The following RHBDF1 variants were observed in gnomAD, a reference collection of about 807,000 sequenced individuals.
The protein encoded by RHBDF1 is inactive rhomboid protein 1.
A neutral mutation model predicts 98.6 loss-of-function variants in RHBDF1; 80 were observed. That is an observed-to-expected ratio of 0.81 (90% CI 0.68 to 0.98). The LOEUF is 0.98. RHBDF1 is among the 50% of genes least tolerant of loss of function. The pLI is 0.00. For missense variants in RHBDF1, 1,116 were observed against 1,198.3 expected (o/e 0.93, Z 1.01); for synonymous variants, 512 against 486.8 (o/e 1.05, Z -0.68).
chr16:60,369 A>G (rs1897563948), intron 12 of RHBDF1, 70 bp downstream of exon 12: 1 of 1,595,670 alleles, frequency 6.3e-7, no homozygotes, highest in Non-Finnish European at 8.6e-7. Context: ...GAGCCCCTAC[A>G]CCCTCTGCAC....
chr16:63,546 G>A (rs757379446), intron 4 of RHBDF1, 41 bp downstream of exon 4: 113 of 1,476,108 alleles, frequency 7.7e-5, no homozygotes, highest in Non-Finnish European at 8.9e-5. Context: ...CCCTGAGAGC[G>A]GAAGGAGGGG....
rs139775363 is a variant in RHBDF1 at position 61,424 on chromosome 16, C to G, written c.1356G>C (p.Lys452Asn). Reference sequence around the variant, plus strand: ...TCCAGAAGTTCTCCTGCTGCACGTACTTGACGTTCTCGTAGACCCCGCGGT... The same window carrying G: ...TCCAGAAGTTCTCCTGCTGCACGTAGTTGACGTTCTCGTAGACCCCGCGGT... ...LRNRGVYENV[K>N]YVQQENFWIG... is the part of the protein sequence containing the mutation. The change falls in exon 10 of 18, where the codon AAG becomes AAC. Residue 452 changes from lysine to asparagine, a missense_variant. By Grantham distance (94) the Lys-to-Asn change is moderately conservative. Coordinates refer to ENST00000262316, the MANE Select transcript of RHBDF1 (RefSeq NM_022450.5). 1 of 1,612,380 alleles carries G rather than the reference C, an allele frequency of 6.2e-7. No individual in the cohort carries two copies. Among genetic ancestry groups the G allele is most frequent in the Non-Finnish European group, 8.5e-7 (1 of 1,179,752 alleles).
intron 3 of RHBDF1, chr16:64,085 T>G: frequency 3.2e-6 from 2 of 633,254 alleles, no homozygotes; most frequent in Non-Finnish European, 5.6e-6. Context: ...GGGGAGGCAC[T>G]GAGTCCAGAG....
rs764978716 is a variant in RHBDF1 at position 62,568 on chromosome 16, C to A, written c.923G>T (p.Arg308Leu). 1.2e-6 allele frequency: 2 copies of A among 1,613,264 alleles called. No homozygotes were observed. The highest frequency in any genetic ancestry group is 1.7e-5 in the Admixed American group (1 of 60,032). Residue 308 changes from arginine to leucine, a missense_variant, in exon 7 of 18, where the codon CGC (arginine) becomes CTC (leucine). Transcript: ENST00000262316. ...QADLTGGALD[R>L]SELERSHLML... ...CAGGTGGCTGCGCTCAAGCTCGCTG[C>A]GGTCCAGGGCCCCGCCGGTGAGGTC...
intron 3 of RHBDF1, 37 bp from the exon 4 acceptor site, chr16:63,837 C>T (rs1271756464): frequency 1.1e-5 from 18 of 1,582,526 alleles, no homozygotes; most frequent in Non-Finnish European, 1.1e-5. Flanking sequence ...GCGGCCAGAT[C>T]GCCCCTCCCA....
intron 13 of RHBDF1, 66 bp downstream of exon 13, chr16:60,150 T>G: frequency 6.2e-7 from 1 of 1,610,960 alleles, no homozygotes; most frequent in Non-Finnish European, 8.5e-7. Flanking sequence ...CACCAGTGGG[T>G]GGGGTGTGGC....
intron 1 of RHBDF1, among the ~76,000 whole-genome samples, chr16:68,138 C>T (rs1897876921): frequency 6.6e-6 from 1 of 152,214 alleles, no homozygotes; most frequent in Non-Finnish European, 1.5e-5. Context: ...CGCCATGCCT[C>T]TACATCCAGG....
In RHBDF1 at chr16:58,615, G is replaced by C. The variant is rs761418828; in HGVS notation, c.2293C>G (p.Pro765Ala). ...ATGTGGGCAAAGTTGTCAATCCACG[G>C]CAGCAGCCCAAAGGTGAAGAGGAAG... ...VLFLFTFGLLPWIDNFAHISG... is the reference protein window; with the variant it reads ...VLFLFTFGLLAWIDNFAHISG... The change falls in exon 18 of 18, where the codon CCG (proline) becomes GCG (alanine). Residue 765 changes from proline (P) to alanine (A), a missense_variant. Pro to Ala is a conservative substitution (Grantham distance 27). Transcript: ENST00000262316. 6.2e-7 allele frequency: 1 copy of C among 1,613,654 alleles called. No individual in the cohort carries two copies. Among genetic ancestry groups the C allele is most frequent in the Non-Finnish European group, 8.5e-7 (1 of 1,179,988 alleles).
rs377524053 is a variant in RHBDF1, at chr16:58,652, C to T, written c.2256G>A (p.Leu752=). The T allele has an allele frequency of 6.2e-6, 10 of 1,613,414 alleles. No individual in the cohort carries two copies. Among genetic ancestry groups the T allele is most frequent in the Non-Finnish European group, 8.5e-6 (10 of 1,180,038 alleles). ...AGGTGAAGAGGAAGAGCACCACAGC[C>T]AGCAGCTTGAAGAAGGCACGCCAGG... ...ARPWRAFFKL[L]AVVLFLFTFG... Residue 752 remains leucine (L), a synonymous_variant, in exon 18 of 18, where the codon CTG becomes CTA. Coordinates refer to ENST00000262316, the MANE Select transcript of RHBDF1 (RefSeq NM_022450.5).
intron 9 of RHBDF1, 51 bp downstream of exon 9, chr16:61,534 C>T: frequency 6.2e-7 from 1 of 1,610,990 alleles, no homozygotes; most frequent in Non-Finnish European, 8.5e-7. Flanking sequence ...GGGAGGGGGT[C>T]CAGTGCCCGG....
intron 1 of RHBDF1, among the ~76,000 whole-genome samples, chr16:65,793 C>G (rs1465047075): frequency 6.6e-6 from 1 of 152,254 alleles, no homozygotes; most frequent in Non-Finnish European, 1.5e-5. Context: ...CCCCAGGCTC[C>G]TGGGCACAAA....
Position 61,854 on chromosome 16 carries a change from G to A in RHBDF1, c.1152C>T (p.Tyr384=). 6 of 1,611,548 alleles carry A rather than the reference G, an allele frequency of 3.7e-6. No homozygotes were observed. Among genetic ancestry groups the A allele is most frequent in the Non-Finnish European group, 5.1e-6 (6 of 1,179,818 alleles). ...TGACGAAGCTGTCGATGCGCTTGCGGTAGGTGCGGTTGGTGAGCCGTCCCA... is the reference window on the plus strand; with the variant it reads ...TGACGAAGCTGTCGATGCGCTTGCGATAGGTGCGGTTGGTGAGCCGTCCCA... ...GMVGRLTNRT[Y]RKRIDSFVKR... is the part of the protein sequence containing the mutation. Residue 384 remains tyrosine (Y), a synonymous_variant, in exon 8 of 18, where the codon TAC becomes TAT. Coordinates refer to ENST00000262316, the MANE Select transcript of RHBDF1 (RefSeq NM_022450.5).
In RHBDF1 at chr16:64,776, G is replaced by A; in HGVS notation, c.171C>T (p.Ala57=). 1 of 1,614,096 alleles carries A rather than the reference G, an allele frequency of 6.2e-7. No homozygotes were observed. Among genetic ancestry groups the A allele is most frequent in the African/African-American group, 1.3e-5 (1 of 75,036 alleles). Residue 57 remains alanine, a synonymous_variant, in exon 3 of 18, where the codon GCC becomes GCT. Coordinates refer to ENST00000262316, the MANE Select transcript of RHBDF1 (RefSeq NM_022450.5). ...LRSVSMPAET[A]HISSPHHELR... ...GCTCATGGTGGGGTGAAGAGATGTG[G>A]GCTGTCTCGGCTGGCATACTCACAC...
intron 1 of RHBDF1, among the ~76,000 whole-genome samples, chr16:69,172 T>C (rs1343108876): frequency 6.6e-6 from 1 of 151,992 alleles, no homozygotes; most frequent in East Asian, 1.9e-4. Context: ...TCCAAAGGTG[T>C]CGAGTTTGGG....
chr16:72,624 G>GCCGGTCCGGCCCGCCCGCC lies in RHBDF1; in HGVS notation c.-137_-136insGGCGGGCGGGCCGGACCGG, dbSNP rs1596478590. ...GCCCGCCCGCCGGTCCGGCCCGCCCGGGAATGCCCTGGAGCGAGGGGCGTG... is the reference window on the plus strand; with the variant it reads ...GCCCGCCCGCCGGTCCGGCCCGCCCGCCGGTCCGGCCCGCCCGCCGGAATGCCCTGGAGCGAGGGGCGTG... On this transcript the variant is annotated 5_prime_UTR_variant, in exon 1 of 18. Transcript: ENST00000262316. 13 of 972,294 alleles carry GCCGGTCCGGCCCGCCCGCC rather than the reference G, an allele frequency of 1.3e-5. No homozygotes were observed. Among genetic ancestry groups the GCCGGTCCGGCCCGCCCGCC allele is most frequent in the East Asian group, 2.4e-4 (2 of 8,412 alleles). 60.2% of individuals were successfully genotyped at this position (972,294 alleles called of 1,614,324 possible).
chr16:72,311 G>A (rs1415429542), intron 1 of RHBDF1, among the ~76,000 whole-genome samples: 1 of 152,080 alleles, frequency 6.6e-6, no homozygotes, highest in Non-Finnish European at 1.5e-5. Flanking sequence ...CGGGCGACTC[G>A]GGAAACTCCA....
In RHBDF1 at chr16:62,663, G is replaced by GT; in HGVS notation, c.827dup (p.Tyr276Ter). The stretch of plus-strand genomic sequence containing the variant: ...ATGGGGACTCGAAAACTTCATCCGG[G>GT]TATGTGGACAGCTCTTCATGGAGGA... ...EGILHEELST[Y>*]PDEVFESPSE... is the part of the protein sequence containing the mutation. Residue 276 changes from tyrosine to a stop codon, truncating the protein, a stop_gained and frameshift_variant, in exon 7 of 18, where the codon TAC becomes TAAC. Transcript: ENST00000262316. LOFTEE classifies it high-confidence loss of function. The GT allele has an allele frequency of 6.2e-7, 1 of 1,614,132 alleles. No homozygotes were observed. The highest frequency in any genetic ancestry group is 8.5e-7 in the Non-Finnish European group (1 of 1,180,038).
At chr16:72,413 A>C in intron 1 of RHBDF1, 100 bp downstream of exon 1, 1 of 553,634 alleles carries the variant, frequency 1.8e-6, no homozygotes, top group Non-Finnish European at 2.3e-6. Flanking sequence ...CGCTCTGAGC[A>C]GCTCCGGCCC....
Position 61,637 on chromosome 16 carries a change from C to G in RHBDF1, c.1268G>C (p.Cys423Ser). Residue 423 changes from cysteine to serine, a missense_variant, in exon 9 of 18, where the codon TGC (cysteine) becomes TCC (serine). Physicochemically the swap from Cys to Ser is moderately radical, Grantham distance 112 (BLOSUM62 -1). Transcript: ENST00000262316. ...GCCCACGGGCGCGATGCCATAGATG[C>G]ACACGGCTAGGATGGTGACGAGCGA... ...VHSLVTILAV[C>S]IYGIAPVGFS... is the part of the protein sequence containing the mutation. 1 of 1,613,600 alleles carries G rather than the reference C, an allele frequency of 6.2e-7. No homozygotes were observed. Among genetic ancestry groups the G allele is most frequent in the South Asian group, 1.1e-5 (1 of 91,088 alleles).
Sources: allele counts gnomAD v4.1 joint callset (sites outside exome capture counted in the v4.1 genomes callset), GRCh38; gene constraint gnomAD v4.1.1; transcripts MANE v1.5; gene names NCBI Gene and HGNC (gene_info 2026-07-23, HGNC 2026-07-21).